Variants in CPB2 observed in about 807,000 individuals in gnomAD.
The protein encoded by CPB2 is carboxypeptidase B2.
Under a neutral mutation model 57.0 loss-of-function variants are expected in CPB2, and 54 were observed. The observed-to-expected ratio is 0.95, with a 90% CI of 0.76 to 1.19. The LOEUF (loss-of-function observed/expected upper bound fraction) is 1.19. Among genes scored for constraint, CPB2 ranks in the 50% most tolerant of loss-of-function variants. CPB2 has a pLI of 0.00. For synonymous variants in CPB2, 189 were observed against 178.1 expected (o/e 1.06, Z -0.49); for missense variants, 426 against 512.0 (o/e 0.83, Z 1.62).
At chr13:46,062,595 G>A (rs1303676445) in intron 8 of CPB2, among the ~76,000 whole-genome samples, 1 of 152,090 alleles carries the variant, frequency 6.6e-6, no homozygotes, top group Admixed American at 6.5e-5. Context: ...AACCTAAGTC[G>A]GGATGAACTG....
chr13:46,070,603 G>A (rs568785616), intron 6 of CPB2, among the ~76,000 whole-genome samples: 22 of 152,170 alleles, frequency 1.4e-4, no homozygotes, highest in Non-Finnish European at 3.1e-4. Context: ...GACCATTTGA[G>A]AGATAATAAA....
chr13:46,068,999 A>G (rs1055385185), intron 6 of CPB2, among the ~76,000 whole-genome samples: 1 of 152,218 alleles, frequency 6.6e-6, no homozygotes, highest in Non-Finnish European at 1.5e-5. Context: ...AGCAAATAAT[A>G]AAGCATTTCT....
Position 46,093,155 on chromosome 13 carries a change from C to T in CPB2, c.75-5335G>A, listed in dbSNP as rs181018468. ...CTTGAACTCCTGACCTCAGACAATC[C>T]ACCCGCCTCAGCCTCCCAAAATGCT... On this transcript the variant is annotated intron_variant, in intron 1 of 10. Transcript: ENST00000181383. Among the ~76,000 whole-genome samples the T allele has an allele frequency of 4.8e-3, 733 of 152,260 alleles. 3 individuals carry two copies. The highest frequency in any genetic ancestry group is 9.2e-3 in the Admixed American group (141 of 15,302).
chr13:46,084,153 A>G (rs2045162132), intron 3 of CPB2, 66 bp downstream of exon 3: 1 of 1,575,640 alleles, frequency 6.3e-7, no homozygotes, highest in Non-Finnish European at 8.7e-7. Context: ...CAATTATACC[A>G]TACCCTAGTC....
At chr13:46,058,086 A>G (rs2139345586) in intron 9 of CPB2, 93 bp downstream of exon 9, 1 of 1,155,568 alleles carries the variant, frequency 8.7e-7, no homozygotes, top group Non-Finnish European at 1.3e-6. Context: ...TTTGCCTTCT[A>G]GAGGACAAAA....
At chr13:46,071,894 A>G (rs949707587) in intron 6 of CPB2, among the ~76,000 whole-genome samples, 1 of 152,216 alleles carries the variant, frequency 6.6e-6, no homozygotes, top group Non-Finnish European at 1.5e-5. Flanking sequence ...CTTTGTGTGC[A>G]ATTAGATGAG....
chr13:46,074,851 G>T (rs911498547), intron 5 of CPB2, among the ~76,000 whole-genome samples: 1 of 152,182 alleles, frequency 6.6e-6, no homozygotes, highest in Non-Finnish European at 1.5e-5. Flanking sequence ...TAAGGAGCAT[G>T]CAACCTAAAT....
At position 46,053,246 on chromosome 13, in the gene CPB2, T is replaced by C. The variant is rs1286214086; in HGVS notation, c.*368A>G. 5.9e-6 allele frequency: 1 copy of C among 169,074 alleles called. No homozygotes were observed. Among genetic ancestry groups the C allele is most frequent in the East Asian group, 1.7e-4 (1 of 5,970 alleles). 10.5% of individuals were successfully genotyped at this position (169,074 alleles called of 1,614,324 possible). A position where few individuals can be genotyped will look rare whatever the true frequency, so the allele number is the denominator to read the frequency against. On this transcript the variant is annotated 3_prime_UTR_variant, in exon 11 of 11. Transcript: ENST00000181383. ...AAATTTGGAGCAGAAATCTTTAATGTACTTCTGACCACCCTTCCTTTTGTT... is the reference window on the plus strand; with the variant it reads ...AAATTTGGAGCAGAAATCTTTAATGCACTTCTGACCACCCTTCCTTTTGTT...
At position 46,055,179 on chromosome 13, in the gene CPB2, A is replaced by G. The variant is rs192289357; in HGVS notation, c.1087+583T>C. On this transcript the variant is annotated intron_variant, in intron 10 of 10. Transcript: ENST00000181383. Reference sequence around the variant, plus strand: ...TGCTCCTCTTTTCCCATCTCCCTTCAAACTTCAAAAGGGCAAAATCAGTCT... The same window carrying G: ...TGCTCCTCTTTTCCCATCTCCCTTCGAACTTCAAAAGGGCAAAATCAGTCT... Among the ~76,000 whole-genome samples, 34 of 152,168 alleles carry G rather than the reference A, an allele frequency of 2.2e-4. No individual in the cohort carries two copies. The East Asian group carries it at 6.2e-3, about 28-fold the overall frequency.
At chr13:46,087,962 T>G in intron 1 of CPB2, 142 bp from the exon 2 acceptor site, 2 of 591,544 alleles carry the variant, frequency 3.4e-6, no homozygotes, top group South Asian at 4.6e-5. Context: ...TACTACAGAT[T>G]CAGTGTAATA....
intron 1 of CPB2, among the ~76,000 whole-genome samples, chr13:46,102,704 T>C (rs538771623): frequency 3.8e-4 from 57 of 151,728 alleles, no homozygotes; most frequent in African/African-American, 1.4e-3. Context: ...GAATAGGCCA[T>C]TCCTGGAAAA....
At chr13:46,086,328 G>C (rs2045203822) in intron 2 of CPB2, among the ~76,000 whole-genome samples, 1 of 152,262 alleles carries the variant, frequency 6.6e-6, no homozygotes. Context: ...GACGTACGTG[G>C]ACAAGCGGAG....
chr13:46,069,471 A>G (rs7993567), intron 6 of CPB2, among the ~76,000 whole-genome samples: 52,234 of 151,940 alleles, frequency 0.34, 9,206 homozygotes, highest in African/African-American at 0.39. Context: ...CCCCATGCCT[A>G]TGCCCATTAT....
chr13:46,082,445 T>C lies in CPB2; in HGVS notation c.380A>G (p.Asn127Ser). 6.3e-7 allele frequency: 1 copy of C among 1,589,114 alleles called. No homozygotes were observed. Among genetic ancestry groups the C allele is most frequent in the Non-Finnish European group, 8.6e-7 (1 of 1,160,538 alleles). ...AAGAGCTGTGTGATGGCTTACTTCATTTAGTGAGTGATACTGTTCATAGTA... is the reference window on the plus strand; with the variant it reads ...AAGAGCTGTGTGATGGCTTACTTCACTTAGTGAGTGATACTGTTCATAGTA... Reference protein sequence around the residue: ...ASYYEQYHSLNEIYSWIEFIT... With the variant: ...ASYYEQYHSLSEIYSWIEFIT... The change falls in exon 4 of 11, where the codon AAT (asparagine) becomes AGT (serine). Residue 127 changes from asparagine (N) to serine (S), a missense_variant. Coordinates refer to ENST00000181383, the MANE Select transcript of CPB2 (RefSeq NM_001872.5).
rs368165722 is a variant in CPB2 at position 46,067,404 on chromosome 13, T to C, written c.605A>G (p.Tyr202Cys). The C allele has an allele frequency of 1.2e-5, 18 of 1,542,276 alleles. No individual in the cohort carries two copies. In the African/African-American group the frequency reaches 2.0e-4, roughly 18 times the overall value. The stretch of plus-strand genomic sequence containing the variant: ...ATTGGTATATTGCCCTATTATCCCA[T>C]AGAATTGAGTTATCTGCAAATTAAA... ...LWFIGHITQFYGIIGQYTNLL... is the reference protein window; with the variant it reads ...LWFIGHITQFCGIIGQYTNLL... The change falls in exon 7 of 11, where the codon TAT (tyrosine) becomes TGT (cysteine). Residue 202 changes from tyrosine (Y) to cysteine (C), a missense_variant. By Grantham distance (194) the Tyr-to-Cys change is radical. Transcript: ENST00000181383.
chr13:46,075,436 A>G (rs2045007935), intron 5 of CPB2, among the ~76,000 whole-genome samples: 1 of 152,242 alleles, frequency 6.6e-6, no homozygotes, highest in Non-Finnish European at 1.5e-5. Context: ...ATCAAGTAAG[A>G]GTAGGACCAA....
rs1259941276 is a variant in CPB2, at chr13:46,063,739, T to C, written c.796+909A>G. Among the ~76,000 whole-genome samples, 3 of 152,180 alleles carry C rather than the reference T, an allele frequency of 2.0e-5. No homozygotes were observed. The South Asian group carries it at 6.2e-4, about 32-fold the overall frequency. On this transcript the variant is annotated intron_variant, in intron 8 of 10. Coordinates refer to ENST00000181383, the MANE Select transcript of CPB2 (RefSeq NM_001872.5). ...ATTCTACTTTTAGTTCTTTAAAAAATCTTCAAACTCCTGAAAGCAGACTGT... is the reference window on the plus strand; with the variant it reads ...ATTCTACTTTTAGTTCTTTAAAAAACCTTCAAACTCCTGAAAGCAGACTGT...
intron 9 of CPB2, among the ~76,000 whole-genome samples, chr13:46,057,676 C>T (rs1369277659): frequency 2.0e-5 from 3 of 152,174 alleles, no homozygotes; most frequent in African/African-American, 7.2e-5. Flanking sequence ...AAAAAACAGA[C>T]TCTCTCCTCA....
chr13:46,090,158 C>CT (rs368048737), intron 1 of CPB2, among the ~76,000 whole-genome samples: 4,264 of 147,500 alleles, frequency 0.029, 90 homozygotes, highest in Middle Eastern at 0.065. Context: ...CTGCCCAATT[C>CT]TTTTTTTTTT....
Sources: gnomAD v4.1 joint callset for allele counts (sites outside exome capture counted in the v4.1 genomes callset) on GRCh38, gnomAD v4.1.1 for gene constraint, MANE v1.5 for transcripts, NCBI Gene and HGNC (gene_info 2026-07-23, HGNC 2026-07-21) for gene names.